ALS2CL: variants seen among roughly 807,000 people sequenced by gnomAD.
ALS2CL encodes ALS2 C-terminal like.
ALS2CL carries 112 observed loss-of-function variants against 127.9 expected under a neutral mutation model. The observed-to-expected ratio is 0.88, with a 90% confidence interval of 0.75 to 1.02. ALS2CL has a LOEUF of 1.02. Among genes scored for constraint, ALS2CL ranks in the 50% least tolerant of loss-of-function variants. ALS2CL has a pLI of 0.00. For missense variants in ALS2CL, 1,174 were observed against 1,236.7 expected (o/e 0.95, Z 0.76); for synonymous variants, 519 against 527.6 (o/e 0.98, Z 0.22).
rs753668623 is a variant in ALS2CL, at chr3:46,671,570, C to T, written c.2699G>A (p.Gly900Glu). The change falls in exon 25 of 26, where the codon GGA becomes GAA. Residue 900 changes from glycine (G) to glutamate (E), a missense_variant. Physicochemically the swap from Gly to Glu is moderately conservative, Grantham distance 98. Coordinates refer to ENST00000318962, the MANE Select transcript of ALS2CL (RefSeq NM_147129.5). ...GTCACGGATCAGGTGGATCTCGGCT[C>T]CCAGGTGCTGAATTCTGGAGAACAC... ...VVSRARIQHLGAEIHLIRDMM... is the reference protein window; with the variant it reads ...VVSRARIQHLEAEIHLIRDMM... 1 of 1,613,552 alleles carries T rather than the reference C, an allele frequency of 6.2e-7. No homozygotes were observed. Among genetic ancestry groups the T allele is most frequent in the South Asian group, 1.1e-5 (1 of 91,022 alleles).
chr3:46,676,974 G>A lies in ALS2CL; in HGVS notation c.1806C>T (p.Val602=). The change falls in exon 17 of 26, where the codon GTC becomes GTT. Residue 602 remains valine, a synonymous_variant. Coordinates refer to ENST00000318962, the MANE Select transcript of ALS2CL (RefSeq NM_147129.5). The part of the protein sequence containing the change: ...AFPVESRWQG[V]YSPFRDFVCA... ...ACACAAAGTCCCGGAAGGGGCTGTA[G>A]ACTCCCTGCCAGCGGCTTTCCACGG... The A allele has an allele frequency of 1.9e-6, 3 of 1,613,064 alleles. No individual in the cohort carries two copies. Among genetic ancestry groups the A allele is most frequent in the Non-Finnish European group, 2.5e-6 (3 of 1,179,608 alleles).
At chr3:46,684,086 G>A (rs1402791327) in intron 7 of ALS2CL, 39 bp from the exon 8 acceptor site, 3 of 1,548,876 alleles carry the variant, frequency 1.9e-6, no homozygotes, top group Non-Finnish European at 2.6e-6. Flanking sequence ...CAGAGCCCAG[G>A]CCAGATGCTC....
chr3:46,679,232 C>T lies in ALS2CL; in HGVS notation c.1604G>A (p.Arg535Lys). The T allele has an allele frequency of 6.3e-7, 1 of 1,577,508 alleles. No homozygotes were observed. Among genetic ancestry groups the T allele is most frequent in the Non-Finnish European group, 8.6e-7 (1 of 1,160,816 alleles). ...CACCTTCCCCATGAGGGTCAGGTCC[C>T]TGGTGAAGGTGCCCTCATACAGGGA... Reference protein sequence around the residue: ...DDSLYEGTFTRDLTLMGKGKV... With the variant: ...DDSLYEGTFTKDLTLMGKGKV... Residue 535 changes from arginine to lysine, a missense_variant, in exon 15 of 26, where the codon AGG (arginine) becomes AAG (lysine). Physicochemically the swap from Arg to Lys is conservative, Grantham distance 26. Coordinates refer to ENST00000318962, the MANE Select transcript of ALS2CL (RefSeq NM_147129.5).
In ALS2CL at chr3:46,687,651, C is replaced by T. The variant is rs768865915; in HGVS notation, c.336G>A (p.Val112=). 2 of 1,613,304 alleles carry T rather than the reference C, an allele frequency of 1.2e-6. No individual in the cohort carries two copies. Among genetic ancestry groups the T allele is most frequent in the Non-Finnish European group, 1.7e-6 (2 of 1,179,708 alleles). The change falls in exon 4 of 26, where the codon GTG becomes GTA. Residue 112 remains valine (V), a synonymous_variant. Coordinates refer to ENST00000318962, the MANE Select transcript of ALS2CL (RefSeq NM_147129.5). ...TCTTTGCTGCCTTCTGGAAGGCCTG[C>T]ACCACCATGCAGCTTGTGTAGGACT... ...YIESYTSCMV[V]QAFQKAAKRR...
intron 14 of ALS2CL, 166 bp downstream of exon 14, chr3:46,680,264 G>A: frequency 1.5e-6 from 1 of 672,680 alleles, no homozygotes; most frequent in Non-Finnish European, 2.5e-6. Flanking sequence ...AGGGCCAGGG[G>A]AGGTGGGTGG....
intron 16 of ALS2CL, 146 bp from the exon 17 acceptor site, chr3:46,677,168 GA>G: frequency 6.9e-7 from 1 of 1,446,248 alleles, no homozygotes; most frequent in Non-Finnish European, 9.0e-7. Context: ...GAACCATGCA[GA>G]GGGGGCTGAC....
rs141535619 is a variant in ALS2CL at position 46,680,474 on chromosome 3, C to T, written c.1504G>A (p.Ala502Thr). ...AAGGTGCCCTGGTAGCAGACACCTG[C>T]CTGGGTGACCATGACCCCTGGGCCG... ...RHGPGVMVTQ[A>T]GVCYQGTFQA... The change falls in exon 14 of 26, where the codon GCA (alanine) becomes ACA (threonine). Residue 502 changes from alanine to threonine, a missense_variant. Coordinates refer to ENST00000318962, the MANE Select transcript of ALS2CL (RefSeq NM_147129.5). 5 of 1,613,376 alleles carry T rather than the reference C, an allele frequency of 3.1e-6. No homozygotes were observed. Among genetic ancestry groups the T allele is most frequent in the East Asian group, 4.5e-5 (2 of 44,898 alleles).
At chr3:46,684,246 C>A (rs1699596378) in intron 7 of ALS2CL, among the ~76,000 whole-genome samples, 199 bp from the exon 8 acceptor site, 1 of 152,198 alleles carries the variant, frequency 6.6e-6, no homozygotes, top group Non-Finnish European at 1.5e-5. Flanking sequence ...TACCCCAGAG[C>A]TTGGCCAGGA....
In ALS2CL at chr3:46,675,297, C is replaced by T. The variant is rs927465044; in HGVS notation, c.2255+321G>A. Reference sequence around the variant, plus strand: ...CCTCAGGCTCATCCCTACCAGCCCTCGGTTTCCCCATCTGTGTGCAGGGAG... The same window carrying T: ...CCTCAGGCTCATCCCTACCAGCCCTTGGTTTCCCCATCTGTGTGCAGGGAG... On this transcript the variant is annotated intron_variant, in intron 20 of 25. Coordinates refer to ENST00000318962, the MANE Select transcript of ALS2CL (RefSeq NM_147129.5). The T allele has an allele frequency of 1.5e-5, 5 of 326,696 alleles. No individual in the cohort carries two copies. The Admixed American group carries it at 1.8e-4, about 12-fold the overall frequency. 20.2% of individuals were successfully genotyped at this position (326,696 alleles called of 1,614,324 possible). A position where few individuals can be genotyped will look rare whatever the true frequency, so the allele number is the denominator to read the frequency against.
intron 16 of ALS2CL, chr3:46,677,322 TC>T: frequency 8.1e-7 from 1 of 1,234,798 alleles, no homozygotes; most frequent in Non-Finnish European, 1.0e-6. Context: ...AGAGAGGGGG[TC>T]TTGGTCCAAG....
Position 46,677,124 on chromosome 3 carries a change from C to G in ALS2CL, c.1758-102G>C, listed in dbSNP as rs1314030026. 27 of 1,491,606 alleles carry G rather than the reference C, an allele frequency of 1.8e-5. No individual in the cohort carries two copies. The Admixed American group carries it at 2.3e-4, about 13-fold the overall frequency. The allele number at this position is 1,491,606 out of a possible 1,614,324, so 92.4% of individuals were successfully genotyped here. ...TGGAGGGGTGGGGGTATGAGCCTGGCCCAGGATCAAGCCCCAAGAAGGGTG... is the reference window on the plus strand; with the variant it reads ...TGGAGGGGTGGGGGTATGAGCCTGGGCCAGGATCAAGCCCCAAGAAGGGTG... On this transcript the variant is annotated intron_variant, in intron 16 of 25. Coordinates refer to ENST00000318962, the MANE Select transcript of ALS2CL (RefSeq NM_147129.5).
intron 4 of ALS2CL, among the ~76,000 whole-genome samples, chr3:46,687,416 G>T (rs781117329): frequency 6.6e-6 from 1 of 152,208 alleles, no homozygotes; most frequent in East Asian, 1.9e-4. Context: ...AGCTAGAGCG[G>T]GTCTGGATTC....
intron 4 of ALS2CL, 56 bp downstream of exon 4, chr3:46,687,563 C>T (rs1479229851): frequency 6.3e-7 from 1 of 1,593,962 alleles, no homozygotes; most frequent in East Asian, 2.2e-5. Context: ...CCCGACCCCA[C>T]CCTCACTCAG....
At position 46,688,078 on chromosome 3, in the gene ALS2CL, C is replaced by G; in HGVS notation, c.302+20G>C. On this transcript the variant is annotated intron_variant, in intron 3 of 25. Transcript: ENST00000318962. ...TCTGACACCAGGGATGAGCCCCAGC[C>G]CCACCTCCAGTGGTCTTACTCTATG... The G allele has an allele frequency of 6.2e-7, 1 of 1,608,948 alleles. No homozygotes were observed. The highest frequency in any genetic ancestry group is 8.5e-7 in the Non-Finnish European group (1 of 1,176,548).
At chr3:46,690,195 C>A (rs1024265440) in intron 1 of ALS2CL, among the ~76,000 whole-genome samples, 1 of 152,206 alleles carries the variant, frequency 6.6e-6, no homozygotes, top group Non-Finnish European at 1.5e-5. Context: ...GACTTTAGAG[C>A]AAGGTAATGA....
chr3:46,678,189 C>G (rs1366630985), intron 16 of ALS2CL, 70 bp downstream of exon 16: 2 of 1,456,908 alleles, frequency 1.4e-6, no homozygotes, highest in African/African-American at 2.8e-5. Context: ...CTGAGGAGAC[C>G]TGAGTCTTTG....
rs548607381 is a variant in ALS2CL, at chr3:46,671,931, G to C, written c.2637C>G (p.Pro879=). 3 of 1,613,916 alleles carry C rather than the reference G, an allele frequency of 1.9e-6. No individual in the cohort carries two copies. The highest frequency in any genetic ancestry group is 4.5e-5 in the East Asian group (2 of 44,858). ...SRVLGREYKL[P]MDDLLPLLIY... is the part of the protein sequence containing the mutation. ...TGAGAAGTGGCAGCAGGTCGTCCAT[G>C]GGCAGCTTGTACTCCCGGCCCAATA... is the stretch of plus-strand genomic sequence containing the variant. Residue 879 remains proline (P), a synonymous_variant, in exon 24 of 26, where the codon CCC becomes CCG. Coordinates refer to ENST00000318962, the MANE Select transcript of ALS2CL (RefSeq NM_147129.5).
intron 3 of ALS2CL, 87 bp downstream of exon 3, chr3:46,688,011 T>A: frequency 6.7e-7 from 1 of 1,492,236 alleles, no homozygotes; most frequent in Non-Finnish European, 9.2e-7. Flanking sequence ...CCCTGACCCA[T>A]GTGAGCCCCA....
chr3:46,689,660 A>G (rs1428330108), intron 1 of ALS2CL, among the ~76,000 whole-genome samples, 195 bp from the exon 2 acceptor site: 2 of 152,200 alleles, frequency 1.3e-5, no homozygotes, highest in African/African-American at 4.8e-5. Context: ...GGCCCAGCTG[A>G]GGGGTCCCTG....
Sources: allele counts gnomAD v4.1 joint callset (sites outside exome capture counted in the v4.1 genomes callset), GRCh38; gene constraint gnomAD v4.1.1; transcripts MANE v1.5; gene names NCBI Gene and HGNC (gene_info 2026-07-23, HGNC 2026-07-21).